Variants in WNT5A observed in about 807,000 individuals in gnomAD.
WNT5A encodes protein Wnt-5a.
A neutral mutation model predicts 42.1 loss-of-function variants in WNT5A; 9 were observed. That is an observed-to-expected ratio of 0.21 (90% CI 0.13 to 0.37). The LOEUF is 0.37. Ranked by LOEUF, WNT5A falls within the 10% of genes least tolerant of loss-of-function variation. WNT5A has a pLI of 1.00. For missense variants in WNT5A, 426 were observed against 534.0 expected (o/e 0.80, Z 1.99); for synonymous variants, 210 against 210.0 (o/e 1.00, Z 0.00).
At chr3:55,481,769 C>T (rs2051470183) in intron 1 of WNT5A, among the ~76,000 whole-genome samples, 1 of 152,112 alleles carries the variant, frequency 6.6e-6, no homozygotes, top group Admixed American at 6.5e-5. Flanking sequence ...CCTGTGGCCT[C>T]TTCCACGGAC....
At chr3:55,486,191 G>C (rs1283091164) in intron 1 of WNT5A, among the ~76,000 whole-genome samples, 1 of 152,180 alleles carries the variant, frequency 6.6e-6, no homozygotes, top group African/African-American at 2.4e-5. Flanking sequence ...GTTTTCTAAA[G>C]GACAAGGCGG....
upstream of WNT5A, chr3:55,493,787 T>TCTGGTTTCCCATATG (rs2051687089): frequency 6.6e-6 from 1 of 152,268 alleles, no homozygotes; most frequent in Non-Finnish European, 1.5e-5. Context: ...AAGATATCTC[T>TCTGGTTTCCCATATG]CTGGTTTCCC....
chr3:55,470,284 C>T lies in WNT5A; in HGVS notation c.951G>A (p.Ser317=), dbSNP rs766254001. Residue 317 remains serine, a synonymous_variant, in exon 5 of 5, where the codon TCG becomes TCA. Transcript: ENST00000264634. ...TGCACAGGCGGCCCTGCGTGCCCAG[C>T]GAGCCGGTGCTCTCATTGCGCACGC... ...DYCVRNESTG[S]LGTQGRLCNK... 26 of 1,613,646 alleles carry T rather than the reference C, an allele frequency of 1.6e-5. 1 individual carries two copies. In the East Asian group the frequency reaches 2.4e-4, roughly 15 times the overall value.
At position 55,487,232 on chromosome 3, in the gene WNT5A, C is replaced by T. The variant is rs1208518230; in HGVS notation, c.-247G>A. ...GGAGGGGGCGCGGACGCGCGCGAGC[C>T]GGCAGCAAGGGCAGGGCCTGGTCGG... On this transcript the variant is annotated 5_prime_UTR_variant, in exon 1 of 5. Coordinates refer to ENST00000264634, the MANE Select transcript of WNT5A (RefSeq NM_003392.7). 1.2e-5 allele frequency: 6 copies of T among 493,826 alleles called. No homozygotes were observed. Among genetic ancestry groups the T allele is most frequent in the Non-Finnish European group, 2.1e-5 (6 of 283,944 alleles). 30.6% of individuals were successfully genotyped at this position (493,826 alleles called of 1,614,324 possible). A position where few individuals can be genotyped will look rare whatever the true frequency, so the allele number is the denominator to read the frequency against.
In WNT5A at chr3:55,468,061, T is replaced by C. The variant is rs1425568670; in HGVS notation, c.*2031A>G. The C allele has an allele frequency of 2.6e-5, 4 of 151,802 alleles. No homozygotes were observed. Among genetic ancestry groups the C allele is most frequent in the African/African-American group, 9.7e-5 (4 of 41,342 alleles). The allele number at this position is 151,802 out of a possible 1,614,324, so 9.4% of individuals were successfully genotyped here. ...AAGGGGGGTATGAAAGATGTGTATCTTTCCAAACTTTTAAAACAACGTAAG... is the reference window on the plus strand; with the variant it reads ...AAGGGGGGTATGAAAGATGTGTATCCTTCCAAACTTTTAAAACAACGTAAG... On this transcript the variant is annotated 3_prime_UTR_variant, in exon 5 of 5. Coordinates refer to ENST00000264634, the MANE Select transcript of WNT5A (RefSeq NM_003392.7).
At position 55,480,924 on chromosome 3, in the gene WNT5A, G is replaced by T; in HGVS notation, c.7-6C>A. 1.3e-6 allele frequency: 2 copies of T among 1,530,294 alleles called. No individual in the cohort carries two copies. Among genetic ancestry groups the T allele is most frequent in the Non-Finnish European group, 1.8e-6 (2 of 1,137,250 alleles). 94.8% of individuals were successfully genotyped at this position (1,530,294 alleles called of 1,614,324 possible). Reference sequence around the variant, plus strand: ...CTTAATATTCCAATGGACTTCTGGAGAGGGAAGAAAGGAGCAGATGTTTAT... The same window carrying T: ...CTTAATATTCCAATGGACTTCTGGATAGGGAAGAAAGGAGCAGATGTTTAT... On this transcript the variant is annotated splice_region_variant and splice_polypyrimidine_tract_variant and intron_variant, in intron 1 of 4. Transcript: ENST00000264634.
chr3:55,491,698 G>A (rs1296644598), upstream of WNT5A, among the ~76,000 whole-genome samples: 3 of 152,192 alleles, frequency 2.0e-5, no homozygotes, highest in East Asian at 1.9e-4. Context: ...TGTAGAAAGC[G>A]GTTTTCTCTC....
At position 55,479,450 on chromosome 3, in the gene WNT5A, C is replaced by A. The variant is rs1304024029; in HGVS notation, c.255G>T (p.Leu85Phe). Residue 85 changes from leucine (L) to phenylalanine (F), a missense_variant, in exon 3 of 5, where the codon TTG (leucine) becomes TTT (phenylalanine). Transcript: ENST00000264634. ...LSQGQKKLCH[L>F]YQDHMQYIGE... ...CGATGTACTGCATGTGGTCCTGATA[C>A]AAGTGGCACAGTTTCTTCTGTCCTT... 1 of 1,614,026 alleles carries A rather than the reference C, an allele frequency of 6.2e-7. No individual in the cohort carries two copies. Among genetic ancestry groups the A allele is most frequent in the Admixed American group, 1.7e-5 (1 of 60,028 alleles).
chr3:55,484,537 CA>C (rs531095015), intron 1 of WNT5A, among the ~76,000 whole-genome samples: 61 of 152,260 alleles, frequency 4.0e-4, no homozygotes, highest in African/African-American at 1.4e-3. Context: ...ATCAGTATGA[CA>C]AAAGAGAGCC....
At chr3:55,473,499 C>T (rs574682861) in intron 4 of WNT5A, among the ~76,000 whole-genome samples, 2 of 152,312 alleles carry the variant, frequency 1.3e-5, no homozygotes, top group Admixed American at 6.5e-5. Context: ...TGAGAAGTAG[C>T]TTTTCATATC....
intron 4 of WNT5A, among the ~76,000 whole-genome samples, chr3:55,473,918 C>T (rs2051298514): frequency 6.6e-6 from 1 of 152,156 alleles, no homozygotes; most frequent in South Asian, 2.1e-4. Context: ...GCCAAAGGTA[C>T]CAGGGACTAA....
chr3:55,470,366 C>A lies in WNT5A; in HGVS notation c.869G>T (p.Arg290Leu), dbSNP rs765101926. 1 of 1,613,988 alleles carries A rather than the reference C, an allele frequency of 6.2e-7. No individual in the cohort carries two copies. The highest frequency in any genetic ancestry group is 1.7e-5 in the Admixed American group (1 of 60,020). Reference sequence around the variant, plus strand: ...GTCTTGTGTGGTGGGCGAGTTGAAGCGGCTGTTGACCTGTACCAACTTGCC... The same window carrying A: ...GTCTTGTGTGGTGGGCGAGTTGAAGAGGCTGTTGACCTGTACCAACTTGCC... ...SRGKLVQVNS[R>L]FNSPTTQDLV... is the part of the protein sequence containing the mutation. Residue 290 changes from arginine to leucine, a missense_variant, in exon 5 of 5, where the codon CGC (arginine) becomes CTC (leucine). By Grantham distance (102) the Arg-to-Leu change is moderately radical. Transcript: ENST00000264634.
At chr3:55,474,215 A>C in intron 4 of WNT5A, 122 bp downstream of exon 4, 3 of 1,244,076 alleles carry the variant, frequency 2.4e-6, no homozygotes, top group Non-Finnish European at 3.4e-6. Context: ...AGAGATAGAG[A>C]CAGGACCATA....
chr3:55,487,924 C>G (rs954839737), upstream of WNT5A: 1 of 152,330 alleles, frequency 6.6e-6, no homozygotes, highest in Admixed American at 6.5e-5. Flanking sequence ...CGCGGGCTCC[C>G]CCCCCCCACC....
At chr3:55,482,918 TAC>T (rs1244268239) in intron 1 of WNT5A, among the ~76,000 whole-genome samples, 1 of 152,190 alleles carries the variant, frequency 6.6e-6, no homozygotes, top group African/African-American at 2.4e-5. Flanking sequence ...CGTGCACATT[TAC>T]ACACTCACAC....
intron 1 of WNT5A, among the ~76,000 whole-genome samples, chr3:55,484,307 G>C (rs911358041): frequency 2.0e-5 from 3 of 152,146 alleles, no homozygotes; most frequent in Non-Finnish European, 4.4e-5. Flanking sequence ...TCCTGCCCTG[G>C]AGAATGCGGG....
chr3:55,477,139 G>A (rs1204820357), intron 3 of WNT5A, among the ~76,000 whole-genome samples: 1 of 152,268 alleles, frequency 6.6e-6, no homozygotes, highest in Non-Finnish European at 1.5e-5. Context: ...GGGCTTTGGG[G>A]TGGGCACACA....
At chr3:55,502,666 T>C in the WNT5A span, among the ~76,000 whole-genome samples, 1 of 152,190 alleles carries the variant, frequency 6.6e-6, no homozygotes, top group African/African-American at 2.4e-5. Flanking sequence ...TTGAAGAATG[T>C]TGAACAGCAT....
chr3:55,482,930 C>T (rs2051496968), intron 1 of WNT5A, among the ~76,000 whole-genome samples: 1 of 152,226 alleles, frequency 6.6e-6, no homozygotes, highest in South Asian at 2.1e-4. Context: ...CACACTCACA[C>T]GCGTGCATAG....
Sources: gnomAD v4.1 joint callset for allele counts (sites outside exome capture counted in the v4.1 genomes callset) on GRCh38, gnomAD v4.1.1 for gene constraint, MANE v1.5 for transcripts, NCBI Gene and HGNC (gene_info 2026-07-23, HGNC 2026-07-21) for gene names.